Variants in FOXN3 observed in about 807,000 individuals in gnomAD.
FOXN3 encodes forkhead box protein N3.
A neutral mutation model predicts 38.4 loss-of-function variants in FOXN3; 7 were observed. That is an observed-to-expected ratio of 0.18 (90% CI 0.10 to 0.34). The LOEUF (loss-of-function observed/expected upper bound fraction) is 0.34. FOXN3 is among the 10% of genes least tolerant of loss of function. The probability of loss-of-function intolerance (pLI) is 1.00; values close to 1 mark genes in which losing one functional copy is unlikely to be tolerated. For synonymous variants in FOXN3, 230 were observed against 242.2 expected (o/e 0.95, Z 0.47); for missense variants, 456 against 613.4 (o/e 0.74, Z 2.71).
rs143695866 is a variant in FOXN3, at chr14:89,273,349, C to T, written c.745+7601G>A. Among the ~76,000 whole-genome samples, 284 of 152,294 alleles carry T rather than the reference C, an allele frequency of 1.9e-3. 2 individuals carry two copies. Among genetic ancestry groups the T allele is most frequent in the African/African-American group, 6.3e-3 (260 of 41,562 alleles). On this transcript the variant is annotated intron_variant, in intron 4 of 5. Coordinates refer to ENST00000557258, the MANE Select transcript of FOXN3 (RefSeq NM_005197.4). ...GGAGGAAGCTCTTAATAAAGGCCCT[C>T]GATTTCCTGACTTCTCTGTTTCTGT...
intron 3 of FOXN3, among the ~76,000 whole-genome samples, chr14:89,321,915 T>C (rs1013902581): frequency 3.9e-5 from 6 of 152,174 alleles, no homozygotes; most frequent in Non-Finnish European, 7.3e-5. Context: ...CTCAACTGGA[T>C]TGTCTCACTG....
At chr14:89,426,495 G>C (rs1892032162) in intron 1 of FOXN3, among the ~76,000 whole-genome samples, 1 of 151,944 alleles carries the variant, frequency 6.6e-6, no homozygotes, top group African/African-American at 2.4e-5. Flanking sequence ...CCAAAGTGCT[G>C]GGAAGGCCTG....
chr14:89,246,793 C>G (rs926273999), intron 4 of FOXN3, among the ~76,000 whole-genome samples: 5 of 152,076 alleles, frequency 3.3e-5, no homozygotes, highest in Non-Finnish European at 4.4e-5. Context: ...CCCGCCTCAG[C>G]CTCCCAAAGT....
At chr14:89,350,528 CT>C (rs1888928075) in intron 3 of FOXN3, 143 bp downstream of exon 3, 1 of 672,700 alleles carries the variant, frequency 1.5e-6, no homozygotes, top group Non-Finnish European at 2.3e-6. Flanking sequence ...GTGGATATGC[CT>C]CCTAATAATA....
chr14:89,208,486 C>T (rs1017440604), intron 4 of FOXN3, among the ~76,000 whole-genome samples: 3 of 152,204 alleles, frequency 2.0e-5, no homozygotes, highest in African/African-American at 7.2e-5. Context: ...CATGGAATCA[C>T]CAAGTTGAAA....
chr14:89,353,702 T>C (rs1402508158), intron 2 of FOXN3: 1 of 152,232 alleles, frequency 6.6e-6, no homozygotes, highest in Non-Finnish European at 1.5e-5. Flanking sequence ...TTTAATTCCA[T>C]ACTTGGTCAG....
chr14:89,585,053 A>G (rs554161725), intron 1 of FOXN3, among the ~76,000 whole-genome samples: 124 of 152,114 alleles, frequency 8.2e-4, no homozygotes, highest in Admixed American at 1.6e-3. Flanking sequence ...TTATTGGCCA[A>G]TCTCACTTTT....
chr14:89,397,138 C>A (rs956168767), intron 2 of FOXN3, among the ~76,000 whole-genome samples: 4 of 152,120 alleles, frequency 2.6e-5, no homozygotes, highest in Admixed American at 2.6e-4. Context: ...TTTACGGGAA[C>A]ATGGATGCAG....
At chr14:89,571,825 C>A (rs1895503886) in intron 1 of FOXN3, among the ~76,000 whole-genome samples, 1 of 152,168 alleles carries the variant, frequency 6.6e-6, no homozygotes, top group African/African-American at 2.4e-5. Context: ...TAGTTTGGAG[C>A]CATATCATTA....
At chr14:89,307,738 G>A (rs1887420716) in intron 3 of FOXN3, among the ~76,000 whole-genome samples, 1 of 152,092 alleles carries the variant, frequency 6.6e-6, no homozygotes, top group Non-Finnish European at 1.5e-5. Flanking sequence ...ATGGTGAGAG[G>A]AACCATCCTT....
chr14:89,390,978 A>T (rs1425381577), intron 2 of FOXN3, among the ~76,000 whole-genome samples: 1 of 152,198 alleles, frequency 6.6e-6, no homozygotes, highest in East Asian at 1.9e-4. Context: ...TGTCTCGAGA[A>T]ACTCCTTTCT....
At chr14:89,351,844 T>C (rs2140010033) in intron 2 of FOXN3, among the ~76,000 whole-genome samples, 1 of 152,210 alleles carries the variant, frequency 6.6e-6, no homozygotes, top group East Asian at 1.9e-4. Context: ...TTAACTAACA[T>C]GGGGGAAGGG....
chr14:89,519,873 C>G (rs920584980), intron 1 of FOXN3, among the ~76,000 whole-genome samples: 3 of 152,108 alleles, frequency 2.0e-5, no homozygotes, highest in African/African-American at 7.2e-5. Flanking sequence ...GACTGGAAAA[C>G]AATCAAATAA....
At chr14:89,321,981 C>T (rs1481602219) in intron 3 of FOXN3, among the ~76,000 whole-genome samples, 1 of 152,120 alleles carries the variant, frequency 6.6e-6, no homozygotes, top group African/African-American at 2.4e-5. Context: ...CTTTTAGGTC[C>T]TATAATCTCA....
chr14:89,187,299 C>T (rs1887832717), intron 4 of FOXN3, among the ~76,000 whole-genome samples: 1 of 152,216 alleles, frequency 6.6e-6, no homozygotes, highest in African/African-American at 2.4e-5. Flanking sequence ...GCCATAGCAC[C>T]AGCCCACGGG....
intron 4 of FOXN3, among the ~76,000 whole-genome samples, chr14:89,275,643 G>A (rs1164317406): frequency 2.0e-5 from 3 of 152,192 alleles, no homozygotes; most frequent in Non-Finnish European, 4.4e-5. Flanking sequence ...TCGTAGCAGA[G>A]TTATGGGAGG....
chr14:89,185,076 C>CA (rs1887769061), intron 4 of FOXN3, among the ~76,000 whole-genome samples: 1 of 152,194 alleles, frequency 6.6e-6, no homozygotes, highest in African/African-American at 2.4e-5. Context: ...AGACTCCTGG[C>CA]ATGTAGACTC....
chr14:89,435,839 G>C (rs1892264157), intron 1 of FOXN3, among the ~76,000 whole-genome samples: 1 of 152,024 alleles, frequency 6.6e-6, no homozygotes, highest in Non-Finnish European at 1.5e-5. Context: ...CCTCCCAATG[G>C]CTACAGTCAT....
chr14:89,535,335 C>T (rs1225585303), intron 1 of FOXN3, among the ~76,000 whole-genome samples: 1 of 152,002 alleles, frequency 6.6e-6, no homozygotes, highest in East Asian at 1.9e-4. Context: ...CAAAACATTC[C>T]TCCCCAGCCA....
Sources: allele counts gnomAD v4.1 joint callset (sites outside exome capture counted in the v4.1 genomes callset), GRCh38; gene constraint gnomAD v4.1.1; transcripts MANE v1.5; gene names NCBI Gene and HGNC (gene_info 2026-07-23, HGNC 2026-07-21).